ZNF512: variants seen among roughly 807,000 people sequenced by gnomAD.
The protein encoded by ZNF512 is zinc finger protein 512.
Under a neutral mutation model 77.5 loss-of-function variants are expected in ZNF512, and 25 were observed. That is an observed-to-expected ratio of 0.32 (90% CI 0.23 to 0.45). ZNF512 has a LOEUF of 0.45. Among genes scored for constraint, ZNF512 ranks in the 20% least tolerant of loss-of-function variants. The pLI is 1.00. For missense variants in ZNF512, 483 were observed against 692.6 expected, an observed-to-expected ratio of 0.70 and a Z score of 3.40; for synonymous variants, 246 against 239.9, an observed-to-expected ratio of 1.03 and a Z score of -0.24.
At chr2:27,602,949 T>C (rs1672185437) in intron 8 of ZNF512, among the ~76,000 whole-genome samples, 191 bp from the exon 9 acceptor site, 1 of 152,146 alleles carries the variant, frequency 6.6e-6, no homozygotes, top group African/African-American at 2.4e-5. Flanking sequence ...TGATTGAAAA[T>C]CATGCTTGAT....
chr2:27,596,981 G>C (rs1671898903), intron 2 of ZNF512, among the ~76,000 whole-genome samples: 1 of 152,206 alleles, frequency 6.6e-6, no homozygotes, highest in South Asian at 2.1e-4. Flanking sequence ...CATTGTGCTA[G>C]AGATACTGTT....
chr2:27,586,046 T>C (rs1164861593), intron 2 of ZNF512, among the ~76,000 whole-genome samples: 3 of 152,182 alleles, frequency 2.0e-5, no homozygotes, highest in African/African-American at 7.2e-5. Context: ...TTAATTATGA[T>C]CATATGAACT....
chr2:27,598,134 A>C lies in ZNF512; in HGVS notation c.157A>C (p.Ser53Arg). 6.2e-7 allele frequency: 1 copy of C among 1,614,104 alleles called. No homozygotes were observed. Among genetic ancestry groups the C allele is most frequent in the Non-Finnish European group, 8.5e-7 (1 of 1,179,968 alleles). The change falls in exon 3 of 14, where the codon AGT becomes CGT. Residue 53 changes from serine (S) to arginine (R), a missense_variant. Transcript: ENST00000355467. ...QYTIPHDDSL[S>R]GSSSASSCEP... is the part of the protein sequence containing the mutation. ...CACTATCCCTCATGATGACTCCTTA[A>C]GTGGTTCATCGTCTGCATCTTCGTG... is the stretch of plus-strand genomic sequence containing the variant.
intron 9 of ZNF512, among the ~76,000 whole-genome samples, chr2:27,605,275 A>G (rs943081586): frequency 2.6e-5 from 4 of 151,948 alleles, no homozygotes; most frequent in African/African-American, 9.7e-5. Flanking sequence ...CAACATGGTG[A>G]AACCCCATCT....
At chr2:27,597,595 C>T (rs1204802310) in intron 2 of ZNF512, among the ~76,000 whole-genome samples, 1 of 152,168 alleles carries the variant, frequency 6.6e-6, no homozygotes, top group East Asian at 1.9e-4. Flanking sequence ...GATAGGGCAT[C>T]AGGTTTTAGG....
At chr2:27,585,685 G>A (rs867605997) in intron 2 of ZNF512, among the ~76,000 whole-genome samples, 11 of 152,304 alleles carry the variant, frequency 7.2e-5, no homozygotes, top group Middle Eastern at 3.4e-3. Flanking sequence ...GCACATGGAA[G>A]AATGAGCTAG....
chr2:27,591,246 T>G (rs1401536349), intron 2 of ZNF512, among the ~76,000 whole-genome samples: 1 of 152,078 alleles, frequency 6.6e-6, no homozygotes, highest in Non-Finnish European at 1.5e-5. Context: ...GGGTACATAG[T>G]AAGGATATAT....
In ZNF512 at chr2:27,598,190, C is replaced by T; in HGVS notation, c.213C>T (p.Phe71=). ...CEPVSDFPAS[F]RKSTYWMKMR... ...CAGTGAGTGATTTTCCAGCATCTTT[C>T]CGAAAATCTACCTACTGGATGAAGA... The change falls in exon 3 of 14, where the codon TTC becomes TTT. Residue 71 remains phenylalanine (F), a synonymous_variant. Coordinates refer to ENST00000355467, the MANE Select transcript of ZNF512 (RefSeq NM_032434.4). 5 of 1,614,134 alleles carry T rather than the reference C, an allele frequency of 3.1e-6. No individual in the cohort carries two copies. Among genetic ancestry groups the T allele is most frequent in the Non-Finnish European group, 4.2e-6 (5 of 1,180,024 alleles).
intron 2 of ZNF512, among the ~76,000 whole-genome samples, chr2:27,588,854 T>C (rs920283624): frequency 2.6e-5 from 4 of 152,194 alleles, no homozygotes; most frequent in Admixed American, 2.0e-4. Flanking sequence ...ATGAACATGC[T>C]ATATTTTCCC....
intron 2 of ZNF512, among the ~76,000 whole-genome samples, chr2:27,596,322 A>G (rs1209576700): frequency 2.0e-5 from 3 of 152,172 alleles, no homozygotes; most frequent in African/African-American, 4.8e-5. Context: ...ACGTATGGGT[A>G]TATGCCACAC....
chr2:27,597,715 T>C (rs1037080750), intron 2 of ZNF512, among the ~76,000 whole-genome samples: 1 of 152,190 alleles, frequency 6.6e-6, no homozygotes, highest in Non-Finnish European at 1.5e-5. Context: ...AGAGAGAGGC[T>C]GGGACATACC....
chr2:27,621,484 T>G lies in ZNF512; in HGVS notation c.*23T>G. 6.3e-7 allele frequency: 1 copy of G among 1,585,158 alleles called. No homozygotes were observed. The highest frequency in any genetic ancestry group is 2.2e-5 in the East Asian group (1 of 44,686). ...TAGGCAGTCAGTGTAAAAGTGCTCC[T>G]AGGAAAGCAGATGTGATGCTGTTGT... On this transcript the variant is annotated 3_prime_UTR_variant, in exon 14 of 14. Coordinates refer to ENST00000355467, the MANE Select transcript of ZNF512 (RefSeq NM_032434.4).
Position 27,583,662 on chromosome 2 carries a change from C to A in ZNF512, c.35C>A (p.Ser12Ter). The A allele has an allele frequency of 6.2e-7, 1 of 1,614,086 alleles. No individual in the cohort carries two copies. The highest frequency in any genetic ancestry group is 8.5e-7 in the Non-Finnish European group (1 of 1,180,018). ...SSRLGAVPATSGPTTFKQQRS... is the reference protein window; with the variant it reads ...SSRLGAVPAT ...CGTGTGCTTGTGATTTGCTAGACTT[C>A]GGGACCCACAACCTTTAAGCAGCAG... Residue 12 changes from serine to a stop codon, truncating the protein, a stop_gained, in exon 2 of 14, where the codon TCG (serine) becomes TAG (stop). Transcript: ENST00000355467. LOFTEE classifies it high-confidence loss of function.
chr2:27,604,405 A>G (rs1672268749), intron 9 of ZNF512, among the ~76,000 whole-genome samples: 1 of 152,084 alleles, frequency 6.6e-6, no homozygotes, highest in Non-Finnish European at 1.5e-5. Flanking sequence ...TACAATTTAC[A>G]CATAGTAATG....
At chr2:27,586,415 AG>A (rs1671332228) in intron 2 of ZNF512, among the ~76,000 whole-genome samples, 1 of 152,062 alleles carries the variant, frequency 6.6e-6, no homozygotes, top group African/African-American at 2.4e-5. Context: ...ATTTTAGTAG[AG>A]AAGGGGTTTC....
At chr2:27,599,080 A>T (rs887392282) in intron 3 of ZNF512, among the ~76,000 whole-genome samples, 13 of 152,104 alleles carry the variant, frequency 8.5e-5, no homozygotes, top group Admixed American at 7.2e-4. Flanking sequence ...ACCTCAGGTA[A>T]TCCGCCCACT....
intron 2 of ZNF512, among the ~76,000 whole-genome samples, chr2:27,584,680 A>G (rs1056794663): frequency 6.6e-6 from 1 of 152,230 alleles, no homozygotes; most frequent in East Asian, 1.9e-4. Flanking sequence ...TAGAAACTTG[A>G]AAGTTGAGGA....
chr2:27,588,310 C>G (rs1008832531), intron 2 of ZNF512, among the ~76,000 whole-genome samples: 1 of 151,876 alleles, frequency 6.6e-6, no homozygotes, highest in Non-Finnish European at 1.5e-5. Flanking sequence ...GGCGACAGAG[C>G]GAGATTCCGT....
intron 10 of ZNF512, among the ~76,000 whole-genome samples, chr2:27,609,856 C>T (rs1296571971): frequency 1.4e-5 from 2 of 139,514 alleles, no homozygotes; most frequent in Non-Finnish European, 1.5e-5. Flanking sequence ...GCAACAAGAG[C>T]AGAAATCTGT....
Sources: gnomAD v4.1 joint callset for allele counts (sites outside exome capture counted in the v4.1 genomes callset) on GRCh38, gnomAD v4.1.1 for gene constraint, MANE v1.5 for transcripts, NCBI Gene and HGNC (gene_info 2026-07-23, HGNC 2026-07-21) for gene names.